EPAS1: variants seen among roughly 807,000 people sequenced by gnomAD.
EPAS1 encodes the protein endothelial PAS domain protein 1.
Under a neutral mutation model 87.9 loss-of-function variants are expected in EPAS1, and 23 were observed. That is an observed-to-expected ratio of 0.26 (90% CI 0.19 to 0.37). The LOEUF (loss-of-function observed/expected upper bound fraction) is 0.37. Among genes scored for constraint, EPAS1 ranks in the 10% least tolerant of loss-of-function variants. The probability of loss-of-function intolerance (pLI) is 1.00; values close to 1 mark genes in which losing one functional copy is unlikely to be tolerated. For missense variants in EPAS1, 1,138 were observed against 1,120.7 expected, an observed-to-expected ratio of 1.02 and a Z score of -0.22; for synonymous variants, 508 against 444.3, an observed-to-expected ratio of 1.14 and a Z score of -1.80.
intron 2 of EPAS1, among the ~76,000 whole-genome samples, chr2:46,354,480 A>G (rs1298965563): frequency 6.6e-6 from 1 of 151,876 alleles, no homozygotes; most frequent in Non-Finnish European, 1.5e-5. Context: ...TATAACAACC[A>G]AAGGCCTGGG....
intron 1 of EPAS1, among the ~76,000 whole-genome samples, chr2:46,344,977 C>G (rs1182814797): frequency 2.0e-5 from 3 of 152,202 alleles, no homozygotes; most frequent in Non-Finnish European, 4.4e-5. Context: ...TGCTCACATT[C>G]CATGAATCCC....
intron 4 of EPAS1, among the ~76,000 whole-genome samples, chr2:46,357,894 A>G (rs763686830): frequency 1.3e-5 from 2 of 152,252 alleles, no homozygotes; most frequent in Non-Finnish European, 2.9e-5. Context: ...CAACAAAGGC[A>G]TGAATAGGGA....
rs778012181 is a variant in EPAS1 at position 46,380,683 on chromosome 2, G to A, written c.2011G>A (p.Val671Ile). Residue 671 changes from valine (V) to isoleucine (I), a missense_variant, in exon 12 of 16, where the codon GTC becomes ATC. Physicochemically the swap from Val to Ile is conservative, Grantham distance 29. Coordinates refer to ENST00000263734, the MANE Select transcript of EPAS1 (RefSeq NM_001430.5). This position sits in a 1 kb window ranked among gnomAD's most constrained non-coding sequence, Gnocchi z 4.4. ...GGGAGCAGCGCCGTTGGGGCCCCCT[G>A]TCTCTCCACCCCATGTCTCCACCTT... is the stretch of plus-strand genomic sequence containing the variant. ...FLGAAPLGPP[V>I]SPPHVSTFKT... 8 of 1,613,458 alleles carry A rather than the reference G, an allele frequency of 5.0e-6. No homozygotes were observed. The African/African-American group carries it at 5.3e-5, about 11-fold the overall frequency.
intron 1 of EPAS1, among the ~76,000 whole-genome samples, chr2:46,338,976 G>T (rs912748508): frequency 1.3e-5 from 2 of 152,200 alleles, no homozygotes; most frequent in African/African-American, 2.4e-5. Context: ...CAGCAAGCTG[G>T]ATACATATCT....
Position 46,375,214 on chromosome 2 carries a change from C to G in EPAS1, c.887-476C>G, listed in dbSNP as rs758099110. 5.1e-4 allele frequency among the ~76,000 whole-genome samples: 77 copies of G among 151,376 alleles called. No homozygotes were observed. The highest frequency in any genetic ancestry group is 1.1e-3 in the Non-Finnish European group (73 of 67,810). ...ACAAAAAAAAACAAAAAAAACTGCC[C>G]TGAGGTCAGGCTTTCTCCAGGCTGC... On this transcript the variant is annotated intron_variant, in intron 7 of 15. Transcript: ENST00000263734. This position sits in a 1 kb window ranked among gnomAD's most constrained non-coding sequence, Gnocchi z 4.1.
chr2:46,370,708 A>G (rs1684610647), intron 7 of EPAS1, among the ~76,000 whole-genome samples: 1 of 152,200 alleles, frequency 6.6e-6, no homozygotes, highest in African/African-American at 2.4e-5. Context: ...AATTAATTTA[A>G]ATGTAAATAT....
intron 1 of EPAS1, among the ~76,000 whole-genome samples, chr2:46,318,554 C>T (rs971122208): frequency 4.6e-5 from 7 of 152,212 alleles, no homozygotes; most frequent in African/African-American, 1.2e-4. Context: ...CCATTTAACA[C>T]GTGTAAAACT....
rs2278754 is a variant in EPAS1, at chr2:46,356,048, A to T, written c.218-103A>T. ...GCAGTATGCGTTTCCAGAAAAGTCCACCCAATGCCTTTGCACCATCCCTGG... is the reference window on the plus strand; with the variant it reads ...GCAGTATGCGTTTCCAGAAAAGTCCTCCCAATGCCTTTGCACCATCCCTGG... On this transcript the variant is annotated intron_variant, in intron 2 of 15. Transcript: ENST00000263734. The T allele has an allele frequency of 0.15, 202,012 of 1,313,370 alleles. 17,996 individuals carry two copies. The highest frequency in any genetic ancestry group is 0.31 in the Admixed American group (18,484 of 59,148). The allele number at this position is 1,313,370 out of a possible 1,614,324, so 81.4% of individuals were successfully genotyped here.
chr2:46,336,759 A>G (rs1396772122), intron 1 of EPAS1, among the ~76,000 whole-genome samples: 1 of 152,210 alleles, frequency 6.6e-6, no homozygotes, highest in African/African-American at 2.4e-5. Flanking sequence ...TAGTAGAATC[A>G]GCATCCTCTG....
Position 46,378,661 on chromosome 2 carries a change from A to G in EPAS1, c.1448A>G (p.Asn483Ser), listed in dbSNP as rs1366088332. The change falls in exon 11 of 16, where the codon AAT becomes AGT. Residue 483 changes from asparagine to serine, a missense_variant. Asn to Ser is a conservative substitution (Grantham distance 46). Transcript: ENST00000263734. Reference sequence around the variant, plus strand: ...CCCCTCCTTCCTGGCCCCTAGCCCAATAGCCCTGAAGACTATTACACATCT... The same window carrying G: ...CCCCTCCTTCCTGGCCCCTAGCCCAGTAGCCCTGAAGACTATTACACATCT... The part of the protein sequence containing the change: ...TSSSSSCSTP[N>S]SPEDYYTSLD... 6 of 1,613,974 alleles carry G rather than the reference A, an allele frequency of 3.7e-6. No individual in the cohort carries two copies. The South Asian group carries it at 4.4e-5, about 12-fold the overall frequency.
At chr2:46,329,235 G>GA (rs1683623515) in intron 1 of EPAS1, among the ~76,000 whole-genome samples, 1 of 152,166 alleles carries the variant, frequency 6.6e-6, no homozygotes, top group African/African-American at 2.4e-5. Flanking sequence ...TCTGGTTCAG[G>GA]GATTGTCATC....
intron 4 of EPAS1, among the ~76,000 whole-genome samples, chr2:46,357,402 G>A (rs939505193): frequency 5.3e-5 from 8 of 152,150 alleles, no homozygotes; most frequent in African/African-American, 1.9e-4. Flanking sequence ...CAACAGGACT[G>A]TTCTCTCACT....
intron 1 of EPAS1, among the ~76,000 whole-genome samples, chr2:46,298,219 C>T (rs1387084668): frequency 1.3e-5 from 2 of 152,192 alleles, no homozygotes; most frequent in African/African-American, 4.8e-5. Context: ...GGTGCTTCCG[C>T]GGTGCCTTTG....
chr2:46,328,730 G>A (rs1337856906), intron 1 of EPAS1, among the ~76,000 whole-genome samples: 1 of 152,198 alleles, frequency 6.6e-6, no homozygotes, highest in African/African-American at 2.4e-5. Flanking sequence ...TTAGAACAGT[G>A]GGGAGGACAG....
intron 1 of EPAS1, among the ~76,000 whole-genome samples, chr2:46,308,043 C>G (rs1683141384): frequency 6.6e-6 from 1 of 152,174 alleles, no homozygotes; most frequent in Admixed American, 6.5e-5. Flanking sequence ...CACCTCACCT[C>G]TATCGCCCAT....
chr2:46,346,835 G>T lies in EPAS1; in HGVS notation c.27-38G>T, dbSNP rs1398570837. The T allele has an allele frequency of 1.2e-6, 2 of 1,611,784 alleles. No individual in the cohort carries two copies. Among genetic ancestry groups the T allele is most frequent in the Non-Finnish European group, 1.7e-6 (2 of 1,178,522 alleles). ...TGGCCAGAGGTATGATAGGCTGACA[G>T]TAACCTTTCCGGGACTAACCCCTTC... is the stretch of plus-strand genomic sequence containing the variant. On this transcript the variant is annotated intron_variant, in intron 1 of 15. Coordinates refer to ENST00000263734, the MANE Select transcript of EPAS1 (RefSeq NM_001430.5). This position sits in a 1 kb window ranked among gnomAD's most constrained non-coding sequence, Gnocchi z 4.0.
rs1008611424 is a variant in EPAS1 at position 46,297,727 on chromosome 2, C to T, written c.-185C>T. The T allele has an allele frequency of 1.5e-5, 10 of 666,476 alleles. No individual in the cohort carries two copies. Among genetic ancestry groups the T allele is most frequent in the Admixed American group, 5.8e-5 (2 of 34,296 alleles). 41.3% of individuals were successfully genotyped at this position (666,476 alleles called of 1,614,324 possible). A position where few individuals can be genotyped will look rare whatever the true frequency, so the allele number is the denominator to read the frequency against. ...CCTCCCAGTCACCTTTCTCCACCCC[C>T]GCCCCCGCACCTAGCCCGCCGCGCG... On this transcript the variant is annotated 5_prime_UTR_variant, in exon 1 of 16. Transcript: ENST00000263734.
At chr2:46,324,655 CT>C (rs1201753494) in intron 1 of EPAS1, among the ~76,000 whole-genome samples, 3 of 152,230 alleles carry the variant, frequency 2.0e-5, no homozygotes, top group Non-Finnish European at 4.4e-5. Context: ...GATGAAAACG[CT>C]CATCCTTGGG....
chr2:46,338,606 G>A (rs1395419428), intron 1 of EPAS1, among the ~76,000 whole-genome samples: 1 of 152,228 alleles, frequency 6.6e-6, no homozygotes, highest in Non-Finnish European at 1.5e-5. Context: ...TGGGGGAAGA[G>A]GTCCTGCTCA....
Sources: gnomAD v4.1 joint callset for allele counts (sites outside exome capture counted in the v4.1 genomes callset) on GRCh38, gnomAD v4.1.1 for gene constraint, Gnocchi (gnomAD v3.1) non-coding constraint, MANE v1.5 for transcripts, NCBI Gene and HGNC (gene_info 2026-07-23, HGNC 2026-07-21) for gene names.